Variants in DDRGK1 observed in about 807,000 individuals in gnomAD.
The protein encoded by DDRGK1 is DDRGK domain-containing protein 1.
Under a neutral mutation model 45.8 loss-of-function variants are expected in DDRGK1, and 38 were observed. The observed-to-expected ratio is 0.83, with a 90% CI of 0.64 to 1.09. The LOEUF (loss-of-function observed/expected upper bound fraction) is 1.09, where lower values mean the gene tolerates loss of function less well. Among genes scored for constraint, DDRGK1 ranks in the 50% least tolerant of loss-of-function variants. The probability of loss-of-function intolerance (pLI) is 0.00; values close to 1 mark genes in which losing one functional copy is unlikely to be tolerated. For missense variants in DDRGK1, 403 were observed against 419.9 expected (o/e 0.96, Z 0.35); for synonymous variants, 171 against 168.7 (o/e 1.01, Z -0.11).
At chr20:3,202,372 G>C (rs934321952) in intron 2 of DDRGK1, among the ~76,000 whole-genome samples, 1 of 152,234 alleles carries the variant, frequency 6.6e-6, no homozygotes, top group East Asian at 1.9e-4. Flanking sequence ...CCAGGCAAGG[G>C]AAGTCCCATG....
At chr20:3,198,223 T>C (rs2122236300) in intron 4 of DDRGK1, among the ~76,000 whole-genome samples, 1 of 145,668 alleles carries the variant, frequency 6.9e-6, no homozygotes, top group Admixed American at 7.0e-5. Context: ...CTGGCCAACA[T>C]GGTGAAACCC....
intron 7 of DDRGK1, 25 bp downstream of exon 7, chr20:3,191,740 C>T: frequency 6.3e-7 from 1 of 1,590,326 alleles, no homozygotes; most frequent in Non-Finnish European, 8.6e-7. Flanking sequence ...ACACTGCACA[C>T]AGCAGGCCAC....
At chr20:3,191,455 C>T (rs1294449746) in intron 7 of DDRGK1, 22 of 657,674 alleles carry the variant, frequency 3.3e-5, no homozygotes, top group Middle Eastern at 2.6e-4. Context: ...CTGTTAGAAG[C>T]GGGGCAGTGA....
At chr20:3,193,169 A>T (rs1028775819) in intron 6 of DDRGK1, among the ~76,000 whole-genome samples, 1 of 152,212 alleles carries the variant, frequency 6.6e-6, no homozygotes, top group African/African-American at 2.4e-5. Flanking sequence ...AGACAGGAGA[A>T]TGGAACAAGA....
chr20:3,190,813 A>G lies in DDRGK1; in HGVS notation c.785T>C (p.Ile262Thr), dbSNP rs763451293. The stretch of plus-strand genomic sequence containing the variant: ...GTAGATGAACTTGCCCCGGTCGTCA[A>G]TCACACCTGTGGGGACATGCAGGTT... The part of the protein sequence containing the change: ...LLAEGTITGV[I>T]DDRGKFIYIT... Residue 262 changes from isoleucine to threonine, a missense_variant, in exon 9 of 9, where the codon ATT becomes ACT. Coordinates refer to ENST00000354488, the MANE Select transcript of DDRGK1 (RefSeq NM_023935.3). The G allele has an allele frequency of 8.7e-6, 14 of 1,611,728 alleles. No homozygotes were observed. Among genetic ancestry groups the G allele is most frequent in the East Asian group, 4.5e-5 (2 of 44,796 alleles).
chr20:3,195,881 A>G (rs2067007972), intron 4 of DDRGK1, among the ~76,000 whole-genome samples: 1 of 151,902 alleles, frequency 6.6e-6, no homozygotes, highest in Non-Finnish European at 1.5e-5. Context: ...CAGGTCTCAT[A>G]TGTCTGTCCT....
In DDRGK1 at chr20:3,190,679, C is replaced by A. The variant is rs1413283973; in HGVS notation, c.919G>T (p.Glu307Ter). ...CAGGCTGGGGCTTGGGCAGGGGACT[C>A]CCGGCCCCAGGCGATGAGGGAGTTG... ...ASNSLIAWGR[E>*]SPAQAPA The change falls in exon 9 of 9, where the codon GAG becomes TAG. Residue 307 changes from glutamate to a stop codon, truncating the protein, a stop_gained. Transcript: ENST00000354488. LOFTEE classifies it high-confidence loss of function. 6.2e-7 allele frequency: 1 copy of A among 1,613,808 alleles called. No homozygotes were observed. The highest frequency in any genetic ancestry group is 8.5e-7 in the Non-Finnish European group (1 of 1,179,954).
intron 7 of DDRGK1, 112 bp from the exon 8 acceptor site, chr20:3,191,350 C>G: frequency 8.1e-7 from 1 of 1,230,600 alleles, no homozygotes; most frequent in Non-Finnish European, 1.2e-6. Flanking sequence ...TCATGCCACG[C>G]CCAAATGTGA....
chr20:3,196,911 T>C (rs1203066832), intron 4 of DDRGK1, among the ~76,000 whole-genome samples: 1 of 151,712 alleles, frequency 6.6e-6, no homozygotes, highest in East Asian at 1.9e-4. Context: ...TAAATACTCA[T>C]GAGTCTATAC....
intron 1 of DDRGK1, among the ~76,000 whole-genome samples, chr20:3,204,130 A>C (rs376332272): frequency 1.6e-4 from 25 of 152,044 alleles, no homozygotes; most frequent in African/African-American, 5.8e-4. Context: ...CAGGCAGAAA[A>C]TATTCAGATG....
At chr20:3,204,370 G>A (rs1454904575) in intron 1 of DDRGK1, among the ~76,000 whole-genome samples, 167 bp downstream of exon 1, 1 of 152,166 alleles carries the variant, frequency 6.6e-6, no homozygotes, top group Admixed American at 6.5e-5. Flanking sequence ...ACCGATTCCA[G>A]GTAGGGCACT....
chr20:3,200,911 T>C lies in DDRGK1; in HGVS notation c.296-457A>G, dbSNP rs368497577. The stretch of plus-strand genomic sequence containing the variant: ...GGATCACGAGGTTAGGAGATCGAGA[T>C]CATCCTGGCTAACATGGTGAAACCT... On this transcript the variant is annotated intron_variant, in intron 2 of 8. Transcript: ENST00000354488. 2.2e-3 allele frequency among the ~76,000 whole-genome samples: 329 copies of C among 152,108 alleles called. 1 individual carries two copies. Among genetic ancestry groups the C allele is most frequent in the East Asian group, 5.6e-3 (29 of 5,168 alleles).
At chr20:3,199,738 C>A (rs1600475743) in intron 4 of DDRGK1, among the ~76,000 whole-genome samples, 1 of 152,168 alleles carries the variant, frequency 6.6e-6, no homozygotes, top group African/African-American at 2.4e-5. Context: ...TTTCTCTGCC[C>A]AGCTATCCTC....
At chr20:3,200,158 C>T in intron 3 of DDRGK1, 56 bp from the exon 4 acceptor site, 1 of 1,578,752 alleles carries the variant, frequency 6.3e-7, no homozygotes, top group South Asian at 1.2e-5. Flanking sequence ...AGTGTGCCCA[C>T]CGCCCAGACA....
chr20:3,194,898 C>G, intron 5 of DDRGK1, 30 bp from the exon 6 acceptor site: 1 of 1,612,632 alleles, frequency 6.2e-7, no homozygotes, highest in South Asian at 1.1e-5. Context: ...AGGGTGAGCA[C>G]CCCCTAGCAA....
At chr20:3,196,473 C>T (rs539161673) in intron 4 of DDRGK1, among the ~76,000 whole-genome samples, 26 of 151,152 alleles carry the variant, frequency 1.7e-4, no homozygotes, top group Middle Eastern at 3.4e-3. Context: ...GTCAGGAGAT[C>T]GAGACCATCC....
At position 3,190,579 on chromosome 20, in the gene DDRGK1, G is replaced by A. The variant is rs540936860; in HGVS notation, c.*74C>T. 2.1e-5 allele frequency: 33 copies of A among 1,542,328 alleles called. No homozygotes were observed. The highest frequency in any genetic ancestry group is 2.8e-5 in the Non-Finnish European group (32 of 1,127,276). On this transcript the variant is annotated 3_prime_UTR_variant, in exon 9 of 9. Coordinates refer to ENST00000354488, the MANE Select transcript of DDRGK1 (RefSeq NM_023935.3). The stretch of plus-strand genomic sequence containing the variant: ...CCTGGCCACACCATCACTTCCCCAG[G>A]ATGGTGGGGAGGGATGAAGATGTAT...
intron 6 of DDRGK1, among the ~76,000 whole-genome samples, chr20:3,192,686 T>C (rs924989418): frequency 3.3e-5 from 5 of 152,018 alleles, no homozygotes; most frequent in Admixed American, 6.6e-5. Context: ...CAGCGAAGGG[T>C]CCACCGCTGT....
chr20:3,200,544 G>GGGA, intron 2 of DDRGK1, 90 bp from the exon 3 acceptor site: 11 of 1,205,276 alleles, frequency 9.1e-6, no homozygotes, highest in Non-Finnish European at 1.3e-5. Flanking sequence ...CCCCTAACAG[G>GGGA]GGGATCCCCT....
Sources: allele counts gnomAD v4.1 joint callset (sites outside exome capture counted in the v4.1 genomes callset), GRCh38; gene constraint gnomAD v4.1.1; transcripts MANE v1.5; gene names NCBI Gene and HGNC (gene_info 2026-07-23, HGNC 2026-07-21).